Variants in DCX observed in about 807,000 individuals in gnomAD.
DCX encodes the protein doublecortin.
Under a neutral mutation model 20.9 loss-of-function variants are expected in DCX, and 4 were observed. That is an observed-to-expected ratio of 0.19 (90% CI 0.09 to 0.44). The LOEUF is 0.44. DCX is among the 20% of genes least tolerant of loss of function. The pLI, the probability that DCX is intolerant of heterozygous loss-of-function variation, is 0.99. For missense variants in DCX, 133 were observed against 296.9 expected (o/e 0.45, Z 4.06); for synonymous variants, 103 against 111.4 (o/e 0.92, Z 0.47).
chrX:111,408,686 G>GAAAGA (rs750136326), intron 2 of DCX, among the ~76,000 whole-genome samples: 9 of 110,027 alleles, frequency 8.2e-5, no homozygotes, highest in Non-Finnish European at 1.7e-4. Context: ...AAGAAAGAAA[G>GAAAGA]AAAGAAAGGA....
At chrX:111,327,883 T>C in intron 5 of DCX, among the ~76,000 whole-genome samples, 1 of 112,246 alleles carries the variant, frequency 8.9e-6, no homozygotes, top group East Asian at 2.8e-4. Context: ...TTAAACAAAC[T>C]CCGATGAAAT....
At chrX:111,366,732 G>A (rs192136032) in intron 3 of DCX, among the ~76,000 whole-genome samples, 2 of 111,966 alleles carry the variant, frequency 1.8e-5, no homozygotes, top group Non-Finnish European at 3.8e-5. Context: ...CATTTAATGA[G>A]TGTTGCATAT....
chrX:111,411,781 A>G (rs920583541), intron 1 of DCX: 3 of 111,548 alleles, frequency 2.7e-5, no homozygotes, highest in Non-Finnish European at 3.8e-5. Flanking sequence ...TTCCAATGTC[A>G]CCATGACCTA....
chrX:111,364,120 C>T (rs907299534), intron 3 of DCX, among the ~76,000 whole-genome samples: 1 of 112,041 alleles, frequency 8.9e-6, no homozygotes, highest in African/African-American at 3.2e-5. Context: ...TTCTAAGTTT[C>T]TTAGTAATGG....
chrX:111,330,763 G>T, intron 5 of DCX, 141 bp downstream of exon 5: 1 of 906,694 alleles, frequency 1.1e-6, no homozygotes, highest in Non-Finnish European at 1.6e-6. Context: ...AAACAAGTTT[G>T]ACTGTTTTAG....
chrX:111,315,830 C>A (rs2095069192), intron 5 of DCX, among the ~76,000 whole-genome samples: 1 of 19,846 alleles, frequency 5.0e-5, no homozygotes, highest in African/African-American at 2.7e-4. Flanking sequence ...ATCGCAAGAA[C>A]AAAAAACCAA....
At chrX:111,369,184 C>T (rs761237502) in intron 3 of DCX, among the ~76,000 whole-genome samples, 1 of 110,847 alleles carries the variant, frequency 9.0e-6, no homozygotes, top group East Asian at 2.9e-4. Flanking sequence ...GGTGCCCACC[C>T]AGATTAAGAG....
At chrX:111,316,647 G>T (rs2095073255) in intron 5 of DCX, among the ~76,000 whole-genome samples, 1 of 111,532 alleles carries the variant, frequency 9.0e-6, no homozygotes. Context: ...ATCTCTGTAG[G>T]TGATATGATT....
At chrX:111,407,137 T>G (rs1476545642) in intron 2 of DCX, among the ~76,000 whole-genome samples, 2 of 111,930 alleles carry the variant, frequency 1.8e-5, no homozygotes, top group African/African-American at 6.5e-5. Flanking sequence ...TTATATCTAC[T>G]GTCTTATTTA....
chrX:111,331,570 T>A (rs1921248734), intron 4 of DCX, among the ~76,000 whole-genome samples: 1 of 112,050 alleles, frequency 8.9e-6, no homozygotes, highest in South Asian at 3.8e-4. Flanking sequence ...CTTGCATTTA[T>A]CAAGTTCTTT....
intron 5 of DCX, among the ~76,000 whole-genome samples, chrX:111,320,824 T>TTCTC (rs375989722): frequency 9.5e-6 from 1 of 105,047 alleles, no homozygotes; most frequent in Non-Finnish European, 2.0e-5. Flanking sequence ...CTCTCTTTCT[T>TTCTC]TCTCTCTCTC....
chrX:111,401,716 T>C (rs897995433), intron 2 of DCX, among the ~76,000 whole-genome samples: 1 of 112,294 alleles, frequency 8.9e-6, no homozygotes, highest in African/African-American at 3.2e-5. Flanking sequence ...AACATTTCTA[T>C]TTCTTAAAAT....
At chrX:111,378,783 G>T (rs908238652) in intron 3 of DCX, among the ~76,000 whole-genome samples, 1 of 111,521 alleles carries the variant, frequency 9.0e-6, no homozygotes, top group Non-Finnish European at 1.9e-5. Context: ...GCTAAGATAT[G>T]AATGTGTTCC....
At chrX:111,379,456 CAG>C (rs1261118922) in intron 3 of DCX, among the ~76,000 whole-genome samples, 2 of 111,690 alleles carry the variant, frequency 1.8e-5, no homozygotes, top group Admixed American at 9.5e-5. Context: ...TTAATATAAA[CAG>C]AGTCATAAAA....
chrX:111,313,895 G>C (rs1214594626), intron 5 of DCX, among the ~76,000 whole-genome samples: 1 of 93,739 alleles, frequency 1.1e-5, no homozygotes, highest in African/African-American at 3.9e-5. Flanking sequence ...GGAAGAGAGA[G>C]GGGGAGGGAG....
At chrX:111,313,569 C>T (rs1483429396) in intron 5 of DCX, among the ~76,000 whole-genome samples, 1 of 112,096 alleles carries the variant, frequency 8.9e-6, no homozygotes, top group African/African-American at 3.2e-5. Flanking sequence ...AGTCAGGGTT[C>T]ACCCACATTT....
At chrX:111,377,050 A>G (rs1004152810) in intron 3 of DCX, among the ~76,000 whole-genome samples, 3 of 111,635 alleles carry the variant, frequency 2.7e-5, no homozygotes, top group Non-Finnish European at 5.7e-5. Context: ...TGTTTTTGCT[A>G]TGTCCTTCCT....
chrX:111,353,218 C>T (rs886534120), intron 3 of DCX, among the ~76,000 whole-genome samples: 1 of 111,934 alleles, frequency 8.9e-6, no homozygotes, highest in Non-Finnish European at 1.9e-5. Context: ...TAGAAAGGGA[C>T]TGGCTTCTAG....
chrX:111,380,792 TATA>T (rs1161001224), intron 3 of DCX, among the ~76,000 whole-genome samples: 4 of 111,566 alleles, frequency 3.6e-5, no homozygotes, highest in Non-Finnish European at 7.5e-5. Context: ...TGAACTGGTT[TATA>T]ATATCAGCCT....
Sources: gnomAD v4.1 joint callset for allele counts (sites outside exome capture counted in the v4.1 genomes callset) on GRCh38, gnomAD v4.1.1 for gene constraint, MANE v1.5 for transcripts, NCBI Gene and HGNC (gene_info 2026-07-23, HGNC 2026-07-21) for gene names.